The following DHX29 variants were observed in gnomAD, a reference collection of about 807,000 sequenced individuals.
DHX29 encodes DExH-box helicase 29.
In DHX29, 79 loss-of-function variants were observed where a neutral mutation model predicts 167.9. That is an observed-to-expected ratio of 0.47 (90% CI 0.39 to 0.57). The LOEUF is 0.57. Among genes scored for constraint, DHX29 ranks in the 20% least tolerant of loss-of-function variants. The pLI is 0.00. For synonymous variants in DHX29, 530 were observed against 546.0 expected, an observed-to-expected ratio of 0.97 and a Z score of 0.41; for missense variants, 1,347 against 1,593.4, an observed-to-expected ratio of 0.85 and a Z score of 2.63.
At chr5:55,298,499 C>T (rs1313821370) in intron 2 of DHX29, 92 bp downstream of exon 2, 4 of 723,444 alleles carry the variant, frequency 5.5e-6, no homozygotes, top group Non-Finnish European at 9.7e-6. Context: ...TTTAAAACAC[C>T]CCATCATTTT....
Position 55,271,866 on chromosome 5 carries a change from A to G in DHX29, c.2864+221T>C, listed in dbSNP as rs1440519631. Among the ~76,000 whole-genome samples the G allele has an allele frequency of 3.3e-5, 5 of 152,312 alleles. No homozygotes were observed. In the East Asian group the frequency reaches 7.7e-4, roughly 23 times the overall value. On this transcript the variant is annotated intron_variant, in intron 18 of 26. Transcript: ENST00000251636. The stretch of plus-strand genomic sequence containing the variant: ...TTCTCAGCACTTTTCTAAAAGTAGC[A>G]GTATACTGGTATTACTTATGGGAAA...
In DHX29 at chr5:55,279,819, C is replaced by T. The variant is rs540421658; in HGVS notation, c.2109+1553G>A. ...CTCCTGGGCTCAAGTGATCCTCCCCCCTTCAGCCTGCCAAATTGCTGGCAT... is the reference window on the plus strand; with the variant it reads ...CTCCTGGGCTCAAGTGATCCTCCCCTCTTCAGCCTGCCAAATTGCTGGCAT... On this transcript the variant is annotated intron_variant, in intron 12 of 26. Coordinates refer to ENST00000251636, the MANE Select transcript of DHX29 (RefSeq NM_019030.4). Among the ~76,000 whole-genome samples the T allele has an allele frequency of 3.2e-4, 49 of 151,842 alleles. No homozygotes were observed. In the South Asian group the frequency reaches 6.3e-3, roughly 19 times the overall value.
intron 5 of DHX29, 50 bp from the exon 6 acceptor site, chr5:55,294,195 C>A: frequency 6.6e-7 from 1 of 1,515,478 alleles, no homozygotes; most frequent in South Asian, 1.2e-5. Flanking sequence ...AAAAAGGTGT[C>A]AAAACTATCT....
intron 1 of DHX29, among the ~76,000 whole-genome samples, chr5:55,304,292 T>C (rs1748748952): frequency 6.6e-6 from 1 of 150,958 alleles, no homozygotes; most frequent in African/African-American, 2.4e-5. Context: ...CTGCCTCCTT[T>C]GCTTGCTCAA....
intron 20 of DHX29, 118 bp from the exon 21 acceptor site, chr5:55,269,755 T>G (rs1317192939): frequency 2.6e-6 from 2 of 758,188 alleles, no homozygotes; most frequent in Non-Finnish European, 4.3e-6. Flanking sequence ...GGGTAAAATG[T>G]GAAAGTAGGG....
intron 16 of DHX29, 76 bp from the exon 17 acceptor site, chr5:55,273,453 C>A: frequency 7.4e-7 from 1 of 1,355,852 alleles, no homozygotes. Flanking sequence ...AATTTATTTG[C>A]ATATAGCAAG....
rs1441626313 is a variant in DHX29, at chr5:55,261,410, G to A, written c.3918C>T (p.His1306=). ...LLFGGDIEVQ[H]RERLLSIDGW... is the part of the protein sequence containing the mutation. ...CATCAATAGAAAGAAGACGTTCTCG[G>A]TGCTGAACTTCTATATCACCACCAA... The change falls in exon 25 of 27, where the codon CAC becomes CAT. Residue 1306 remains histidine (H), a synonymous_variant. Transcript: ENST00000251636. The A allele has an allele frequency of 1.3e-6, 2 of 1,579,938 alleles. No homozygotes were observed. Among genetic ancestry groups the A allele is most frequent in the Non-Finnish European group, 1.7e-6 (2 of 1,149,958 alleles).
Position 55,307,372 on chromosome 5 carries a change from G to A in DHX29, c.187+15C>T. On this transcript the variant is annotated intron_variant, in intron 1 of 26. Transcript: ENST00000251636. ...TCTCAGGGCAGACAGCCAGGGGCTG[G>A]GGGACCTCTCGTACCTTGCTTGACA... is the stretch of plus-strand genomic sequence containing the variant. The A allele has an allele frequency of 6.2e-7, 1 of 1,608,386 alleles. No homozygotes were observed. The highest frequency in any genetic ancestry group is 8.5e-7 in the Non-Finnish European group (1 of 1,176,574).
chr5:55,305,730 G>T (rs917666695), intron 1 of DHX29, among the ~76,000 whole-genome samples: 2 of 152,214 alleles, frequency 1.3e-5, no homozygotes, highest in African/African-American at 4.8e-5. Flanking sequence ...GGAAGTCGAA[G>T]AAAAAGTTAG....
rs371113247 is a variant in DHX29, at chr5:55,267,201, A to G, written c.3462T>C (p.Tyr1154=). The part of the protein sequence containing the change: ...GWKKARQEGG[Y]RSEITYCRRN... ...TCCGGCAGTATGTGATTTCAGAACG[A>G]TAACCTCCTTCTTGTCGTGCTTTCT... The change falls in exon 23 of 27, where the codon TAT becomes TAC. Residue 1154 remains tyrosine (Y), a synonymous_variant. Coordinates refer to ENST00000251636, the MANE Select transcript of DHX29 (RefSeq NM_019030.4). The G allele has an allele frequency of 2.1e-5, 34 of 1,612,962 alleles. No homozygotes were observed. Among genetic ancestry groups the G allele is most frequent in the South Asian group, 4.4e-5 (4 of 90,996 alleles).
intron 11 of DHX29, 23 bp from the exon 12 acceptor site, chr5:55,281,538 T>C: frequency 6.6e-7 from 1 of 1,513,706 alleles, no homozygotes; most frequent in Non-Finnish European, 8.9e-7. Context: ...CATAAGGCCT[T>C]GATTAGATTC....
At position 55,307,440 on chromosome 5, in the gene DHX29, G is replaced by T; in HGVS notation, c.134C>A (p.Pro45Gln). 6.2e-7 allele frequency: 1 copy of T among 1,613,168 alleles called. No homozygotes were observed. Among genetic ancestry groups the T allele is most frequent in the Non-Finnish European group, 8.5e-7 (1 of 1,179,888 alleles). Residue 45 changes from proline to glutamine, a missense_variant, in exon 1 of 27, where the codon CCG becomes CAG. Pro to Gln is a moderately conservative substitution (Grantham distance 76). Coordinates refer to ENST00000251636, the MANE Select transcript of DHX29 (RefSeq NM_019030.4). ...GGCAGCGGCAGCGGCAGCGGTGGCC[G>T]GCCTGGACACTGGCTTCTTGCTTTG... ...EAQSKKPVSRPATAAAAAAGS... is the reference protein window; with the variant it reads ...EAQSKKPVSRQATAAAAAAGS...
intron 1 of DHX29, among the ~76,000 whole-genome samples, chr5:55,304,151 GAGA>G (rs2111987814): frequency 6.6e-6 from 1 of 152,210 alleles, no homozygotes; most frequent in East Asian, 1.9e-4. Flanking sequence ...GAAAGGCAAA[GAGA>G]AGGACAGTAA....
rs747897500 is a variant in DHX29 at position 55,262,825 on chromosome 5, T to G, written c.3633A>C (p.Gln1211His). 5.6e-6 allele frequency: 9 copies of G among 1,614,138 alleles called. No individual in the cohort carries two copies. In the South Asian group the frequency reaches 9.9e-5, roughly 18 times the overall value. ...GTACAGCTTTAAGAAGGGCAATTTC[T>G]TGGAATGAGAGGGTCTGTGAGGCTC... ...GNRASQTLSF[Q>H]EIALLKAVLV... is the part of the protein sequence containing the mutation. The change falls in exon 24 of 27, where the codon CAA becomes CAC. Residue 1211 changes from glutamine (Q) to histidine (H), a missense_variant. By Grantham distance (24) the Gln-to-His change is conservative (BLOSUM62 0). Coordinates refer to ENST00000251636, the MANE Select transcript of DHX29 (RefSeq NM_019030.4).
intron 18 of DHX29, 48 bp downstream of exon 18, chr5:55,272,039 A>G (rs1227119051): frequency 4.5e-6 from 5 of 1,122,190 alleles, no homozygotes; most frequent in Admixed American, 2.5e-5. Context: ...AAGAGCCCCA[A>G]CCTCTTTCCA....
At position 55,307,612 on chromosome 5, in the gene DHX29, C is replaced by G. The variant is rs1044800259; in HGVS notation, c.-39G>C. The G allele has an allele frequency of 2.5e-6, 4 of 1,608,298 alleles. No individual in the cohort carries two copies. The highest frequency in any genetic ancestry group is 1.1e-5 in the South Asian group (1 of 90,844). ...CAGAAGATCCTTCGCGGCCCAGGCC[C>G]CGACGGTACCACTGCACAGCCGAGA... On this transcript the variant is annotated 5_prime_UTR_variant, in exon 1 of 27. Transcript: ENST00000251636.
chr5:55,289,736 A>G (rs1039948509), intron 7 of DHX29, among the ~76,000 whole-genome samples: 9 of 152,150 alleles, frequency 5.9e-5, no homozygotes, highest in Non-Finnish European at 1.3e-4. Flanking sequence ...TAAAATAAAT[A>G]CTCATGGAAT....
intron 10 of DHX29, among the ~76,000 whole-genome samples, chr5:55,284,188 C>T (rs981783316): frequency 1.3e-5 from 2 of 152,134 alleles, no homozygotes; most frequent in Non-Finnish European, 2.9e-5. Context: ...CCCTTATAGG[C>T]ATATTCTGAG....
At chr5:55,264,946 T>C (rs1746481318) in intron 23 of DHX29, among the ~76,000 whole-genome samples, 1 of 152,160 alleles carries the variant, frequency 6.6e-6, no homozygotes, top group Admixed American at 6.5e-5. Context: ...GCAACCCTAA[T>C]GAAACAATAG....
Sources: gnomAD v4.1 joint callset for allele counts (sites outside exome capture counted in the v4.1 genomes callset) on GRCh38, gnomAD v4.1.1 for gene constraint, MANE v1.5 for transcripts, NCBI Gene and HGNC (gene_info 2026-07-23, HGNC 2026-07-21) for gene names.